The following CDHR3 variants were observed in gnomAD, a reference collection of about 807,000 sequenced individuals.
CDHR3 encodes cadherin related family member 3.
In CDHR3, 79 loss-of-function variants were observed where a neutral mutation model predicts 86.6. That is an observed-to-expected ratio of 0.91 (90% CI 0.76 to 1.10). The LOEUF (loss-of-function observed/expected upper bound fraction) is 1.10. Ranked by LOEUF, CDHR3 falls within the 50% of genes least tolerant of loss-of-function variation. The probability of loss-of-function intolerance (pLI) is 0.00; values close to 1 mark genes in which losing one functional copy is unlikely to be tolerated. For missense variants in CDHR3, 1,081 were observed against 1,077.6 expected, an observed-to-expected ratio of 1.00 and a Z score of -0.04; for synonymous variants, 421 against 402.4, an observed-to-expected ratio of 1.05 and a Z score of -0.55.
At chr7:105,989,946 C>T (rs1057047412) in intron 4 of CDHR3, among the ~76,000 whole-genome samples, 10 of 152,204 alleles carry the variant, frequency 6.6e-5, no homozygotes, top group African/African-American at 2.2e-4. Flanking sequence ...GAGTCACCAC[C>T]TGAAGTCTTA....
chr7:105,973,615 C>A (rs756584454), intron 1 of CDHR3, among the ~76,000 whole-genome samples: 9 of 152,194 alleles, frequency 5.9e-5, no homozygotes, highest in Non-Finnish European at 1.2e-4. Flanking sequence ...AGGACCCACC[C>A]TCATGCAATA....
chr7:106,009,106 C>T (rs1192288943), intron 8 of CDHR3, among the ~76,000 whole-genome samples: 1 of 152,198 alleles, frequency 6.6e-6, no homozygotes, highest in East Asian at 1.9e-4. Context: ...AATCTTCCCT[C>T]CAGATTAGCC....
intron 9 of CDHR3, among the ~76,000 whole-genome samples, chr7:106,014,740 A>C (rs971539203): frequency 6.6e-6 from 1 of 152,224 alleles, no homozygotes; most frequent in African/African-American, 2.4e-5. Context: ...CAAGTAACTG[A>C]AACTGTCAAA....
At chr7:106,031,059 A>G (rs1239148407) in intron 18 of CDHR3, among the ~76,000 whole-genome samples, 14 of 152,204 alleles carry the variant, frequency 9.2e-5, no homozygotes, top group Admixed American at 9.2e-4. Context: ...CACTTACGTG[A>G]GGCCTCAGTG....
intron 6 of CDHR3, among the ~76,000 whole-genome samples, chr7:105,998,774 A>C (rs968373383): frequency 6.6e-6 from 1 of 152,044 alleles, no homozygotes; most frequent in Non-Finnish European, 1.5e-5. Flanking sequence ...ACAAGACCAG[A>C]ACTCCATCTC....
chr7:105,980,421 TTATTTA>T (rs1283583990), intron 2 of CDHR3, among the ~76,000 whole-genome samples: 1 of 85,600 alleles, frequency 1.2e-5, no homozygotes, highest in Non-Finnish European at 3.6e-5. Flanking sequence ...TTTTTATTTT[TTATTTA>T]TTTTTGTAAT....
At chr7:106,007,768 T>C (rs1834161742) in intron 8 of CDHR3, among the ~76,000 whole-genome samples, 1 of 152,212 alleles carries the variant, frequency 6.6e-6, no homozygotes, top group Non-Finnish European at 1.5e-5. Context: ...CACCAAACTG[T>C]TCCAACCCCT....
At chr7:105,975,131 T>A in intron 2 of CDHR3, 85 bp downstream of exon 2, 1 of 1,129,870 alleles carries the variant, frequency 8.9e-7, no homozygotes, top group Non-Finnish European at 1.3e-6. Flanking sequence ...GATCAGTGAT[T>A]AATTCCTCCA....
chr7:106,035,156 G>A lies in CDHR3; in HGVS notation c.*2459G>A, dbSNP rs1003028363. Among the ~76,000 whole-genome samples the A allele has an allele frequency of 1.3e-5, 2 of 152,126 alleles. No homozygotes were observed. The highest frequency in any genetic ancestry group is 4.8e-5 in the African/African-American group (2 of 41,430). On this transcript the variant is annotated 3_prime_UTR_variant, in exon 19 of 19. Coordinates refer to ENST00000317716, the MANE Select transcript of CDHR3 (RefSeq NM_152750.5). The stretch of plus-strand genomic sequence containing the variant: ...GGTCTTTCTTCTCCAGTGATGACAG[G>A]GCAAGAGGGAATTGTGCTTAATGGC...
At chr7:106,022,159 C>A (rs1393423305) in intron 13 of CDHR3, 39 bp from the exon 14 acceptor site, 17 of 1,608,142 alleles carry the variant, frequency 1.1e-5, no homozygotes, top group South Asian at 2.2e-5. Flanking sequence ...ACTCTCTTTT[C>A]TTCCTTTTAC....
At chr7:105,969,044 C>T (rs982603020) in intron 1 of CDHR3, among the ~76,000 whole-genome samples, 2 of 149,726 alleles carry the variant, frequency 1.3e-5, no homozygotes, top group Non-Finnish European at 3.0e-5. Context: ...GCAGAGATCG[C>T]GCCACTGCAC....
chr7:105,989,803 G>A (rs775152169), intron 4 of CDHR3, among the ~76,000 whole-genome samples: 1 of 152,096 alleles, frequency 6.6e-6, no homozygotes, highest in Non-Finnish European at 1.5e-5. Flanking sequence ...CTTCTACTCT[G>A]TTCTGGCAAG....
rs150587465 is a variant in CDHR3 at position 105,979,230 on chromosome 7, C to T, written c.250-1738C>T. ...GCAATGGGAAGGCTGGGCTTTCAAG[C>T]CAGTCAGTCTGGCTCCAGCATCTGT... On this transcript the variant is annotated intron_variant, in intron 2 of 18. Coordinates refer to ENST00000317716, the MANE Select transcript of CDHR3 (RefSeq NM_152750.5). 4.6e-3 allele frequency among the ~76,000 whole-genome samples: 700 copies of T among 152,250 alleles called. 7 individuals carry two copies. The highest frequency in any genetic ancestry group is 0.016 in the African/African-American group (660 of 41,534).
At position 106,004,570 on chromosome 7, in the gene CDHR3, C is replaced by G; in HGVS notation, c.935C>G (p.Ser312Cys). ...AGELRQNPTI[S>C]LEVLVKDRPY... ...GAATTGAGACAAAATCCCACCATTT[C>G]CCTGGAAGTTCTAGTGAAGGACAGA... Residue 312 changes from serine (S) to cysteine (C), a missense_variant, in exon 8 of 19, where the codon TCC (serine) becomes TGC (cysteine). Physicochemically the swap from Ser to Cys is moderately radical, Grantham distance 112 (BLOSUM62 -1). Coordinates refer to ENST00000317716, the MANE Select transcript of CDHR3 (RefSeq NM_152750.5). 1.9e-6 allele frequency: 3 copies of G among 1,613,990 alleles called. No individual in the cohort carries two copies. The highest frequency in any genetic ancestry group is 2.2e-5 in the South Asian group (2 of 91,076).
rs1193574585 is a variant in CDHR3, at chr7:106,017,084, A to G, written c.1427-762A>G. Among the ~76,000 whole-genome samples, 5 of 152,252 alleles carry G rather than the reference A, an allele frequency of 3.3e-5. No individual in the cohort carries two copies. The East Asian group carries it at 7.7e-4, about 23-fold the overall frequency. ...AAAAATCTATAATCTGTAATCATCA[A>G]TTACTAAATTCTTTAACAATTATTT... On this transcript the variant is annotated intron_variant, in intron 11 of 18. Coordinates refer to ENST00000317716, the MANE Select transcript of CDHR3 (RefSeq NM_152750.5).
intron 1 of CDHR3, among the ~76,000 whole-genome samples, chr7:105,969,784 T>C (rs1477503903): frequency 1.3e-5 from 2 of 152,224 alleles, no homozygotes; most frequent in African/African-American, 2.4e-5. Flanking sequence ...TACTTTCATG[T>C]TGTTGCTATG....
chr7:105,964,760 C>A (rs979242108), intron 1 of CDHR3, among the ~76,000 whole-genome samples: 2 of 152,186 alleles, frequency 1.3e-5, no homozygotes, highest in South Asian at 4.1e-4. Flanking sequence ...TTTTCCTCTT[C>A]GATCTGCTAA....
At chr7:105,980,581 GA>G (rs34231322) in intron 2 of CDHR3, among the ~76,000 whole-genome samples, 35,056 of 86,284 alleles carry the variant, frequency 0.41, 8,489 homozygotes, top group South Asian at 0.66. Flanking sequence ...CCAAGTAGTG[GA>G]AGGTTTTTTT....
rs1021669727 is a variant in CDHR3 at position 106,034,939 on chromosome 7, C to T, written c.*2242C>T. ...CTAAAAAATAGAAAAATTAGCTGGA[C>T]GTGTTAGCAGGCACCTGTAATCCCA... is the stretch of plus-strand genomic sequence containing the variant. On this transcript the variant is annotated 3_prime_UTR_variant, in exon 19 of 19. Coordinates refer to ENST00000317716, the MANE Select transcript of CDHR3 (RefSeq NM_152750.5). Among the ~76,000 whole-genome samples the T allele has an allele frequency of 1.3e-5, 2 of 151,934 alleles. No individual in the cohort carries two copies. The highest frequency in any genetic ancestry group is 2.4e-5 in the African/African-American group (1 of 41,346).
Sources: allele counts gnomAD v4.1 joint callset (sites outside exome capture counted in the v4.1 genomes callset), GRCh38; gene constraint gnomAD v4.1.1; transcripts MANE v1.5; gene names NCBI Gene and HGNC (gene_info 2026-07-23, HGNC 2026-07-21).